Variants in CNBD1 observed in about 807,000 individuals in gnomAD.
CNBD1 encodes cyclic nucleotide-binding domain-containing protein 1.
Under a neutral mutation model 54.4 loss-of-function variants are expected in CNBD1, and 71 were observed. That is an observed-to-expected ratio of 1.30 (90% CI 1.08 to 1.59). The LOEUF (loss-of-function observed/expected upper bound fraction) is 1.59, where lower values mean the gene tolerates loss of function less well. Ranked by LOEUF, CNBD1 falls within the 40% of genes most tolerant of loss-of-function variation. The pLI is 0.00. For synonymous variants in CNBD1, 182 were observed against 170.7 expected (o/e 1.07, Z -0.51); for missense variants, 659 against 518.0 (o/e 1.27, Z -2.64).
chr8:86,939,976 G>A (rs564781691), intron 4 of CNBD1, among the ~76,000 whole-genome samples: 6 of 151,802 alleles, frequency 4.0e-5, no homozygotes, highest in Non-Finnish European at 7.4e-5. Flanking sequence ...CTAAACTTGT[G>A]ACCCATTATT....
At chr8:87,196,838 A>G (rs904313655) in intron 4 of CNBD1, among the ~76,000 whole-genome samples, 3 of 152,218 alleles carry the variant, frequency 2.0e-5, no homozygotes, top group Admixed American at 6.5e-5. Context: ...TCTGGAATAC[A>G]CTAAAATTTT....
intron 4 of CNBD1, among the ~76,000 whole-genome samples, chr8:87,020,779 CTTTGT>C (rs1809472438): frequency 6.6e-6 from 1 of 152,184 alleles, no homozygotes; most frequent in Non-Finnish European, 1.5e-5. Flanking sequence ...CCCCTTGCCC[CTTTGT>C]TTTATTTCCT....
At chr8:87,342,845 T>G (rs1810095424) in intron 8 of CNBD1, among the ~76,000 whole-genome samples, 1 of 152,156 alleles carries the variant, frequency 6.6e-6, no homozygotes, top group Non-Finnish European at 1.5e-5. Context: ...CATGTCCCAC[T>G]GTGCACGCAT....
chr8:87,325,047 C>G (rs1429749877), intron 8 of CNBD1, among the ~76,000 whole-genome samples: 2 of 99,710 alleles, frequency 2.0e-5, no homozygotes, highest in African/African-American at 1.1e-4. Context: ...TTTCTGCCTT[C>G]ATTTCGTTAT....
At chr8:87,377,946 G>A (rs1385943628) in intron 10 of CNBD1, among the ~76,000 whole-genome samples, 12 of 146,430 alleles carry the variant, frequency 8.2e-5, no homozygotes, top group Middle Eastern at 7.0e-3. Context: ...CTGCATAAAT[G>A]TCTTCTTTTG....
intron 5 of CNBD1, among the ~76,000 whole-genome samples, chr8:87,218,287 A>C (rs1814255411): frequency 6.6e-6 from 1 of 152,110 alleles, no homozygotes; most frequent in African/African-American, 2.4e-5. Flanking sequence ...GGTAATTTCC[A>C]ACAATGTAAA....
At chr8:86,866,614 C>T in intron 1 of CNBD1, 31 bp downstream of exon 1, 1 of 1,516,824 alleles carries the variant, frequency 6.6e-7, no homozygotes, top group Non-Finnish European at 9.1e-7. Flanking sequence ...TGCTCTTATT[C>T]ACCTACCATT....
chr8:87,426,042 C>T lies in CNBD1; in HGVS notation c.214-2504C>T, dbSNP rs146064199. 4.8e-4 allele frequency among the ~76,000 whole-genome samples: 73 copies of T among 152,290 alleles called. 1 individual carries two copies. In the East Asian group the frequency reaches 0.01, roughly 21 times the overall value. On this transcript the variant is annotated intron_variant, in intron 2 of 7. Coordinates refer to the CNBD1 transcript ENST00000521593. ...GTGGTGCACCGTTTTTTAAGCCCGT[C>T]GGAAAATCGCAGTATTTGGGTGGGA...
intron 5 of CNBD1, among the ~76,000 whole-genome samples, chr8:87,224,905 C>T (rs1814442412): frequency 6.6e-6 from 1 of 151,964 alleles, no homozygotes; most frequent in Non-Finnish European, 1.5e-5. Flanking sequence ...TGTTTGTATC[C>T]TCTATTATTT....
At chr8:87,397,124 T>C (rs1285145186) in intron 2 of CNBD1, among the ~76,000 whole-genome samples, 2 of 151,938 alleles carry the variant, frequency 1.3e-5, no homozygotes, top group African/African-American at 4.8e-5. Flanking sequence ...GCTTTGTATT[T>C]GTTAGAGCCA....
At chr8:87,389,270 G>A (rs1811258181) in intron 2 of CNBD1, among the ~76,000 whole-genome samples, 1 of 152,146 alleles carries the variant, frequency 6.6e-6, no homozygotes, top group Admixed American at 6.5e-5. Context: ...GCAGGAGAAG[G>A]AAATAAAGGG....
At chr8:86,947,055 C>T (rs916830721) in intron 4 of CNBD1, among the ~76,000 whole-genome samples, 1 of 152,008 alleles carries the variant, frequency 6.6e-6, no homozygotes, top group Admixed American at 6.6e-5. Context: ...AAAATTTTGG[C>T]AAGATTTGGT....
At chr8:87,306,607 T>C (rs931336368) in intron 8 of CNBD1, among the ~76,000 whole-genome samples, 6 of 152,172 alleles carry the variant, frequency 3.9e-5, no homozygotes, top group African/African-American at 1.4e-4. Flanking sequence ...TTAACAGCAT[T>C]TGTAGTGACC....
At chr8:86,972,106 C>T (rs1398964566) in intron 4 of CNBD1, among the ~76,000 whole-genome samples, 1 of 152,064 alleles carries the variant, frequency 6.6e-6, no homozygotes, top group Non-Finnish European at 1.5e-5. Context: ...TGCCCGCCAC[C>T]ATGCCTGGCT....
chr8:87,402,684 A>AT (rs992196317), intron 2 of CNBD1, among the ~76,000 whole-genome samples: 52 of 152,136 alleles, frequency 3.4e-4, no homozygotes, highest in African/African-American at 1.1e-3. Flanking sequence ...ATCTCAGGGG[A>AT]TTTTTTATGC....
At chr8:86,981,012 T>C (rs1808474410) in intron 4 of CNBD1, among the ~76,000 whole-genome samples, 1 of 151,790 alleles carries the variant, frequency 6.6e-6, no homozygotes, top group African/African-American at 2.4e-5. Flanking sequence ...ACAAGAGGGG[T>C]GTGGTTATAG....
intron 10 of CNBD1, among the ~76,000 whole-genome samples, chr8:87,358,549 A>G (rs1306167042): frequency 6.8e-6 from 1 of 146,930 alleles, no homozygotes; most frequent in Non-Finnish European, 1.5e-5. Context: ...CACACGTTGT[A>G]TTATACAAAG....
At chr8:87,292,786 T>TC (rs1245324763) in intron 8 of CNBD1, among the ~76,000 whole-genome samples, 3 of 152,144 alleles carry the variant, frequency 2.0e-5, no homozygotes, top group Non-Finnish European at 2.9e-5. Context: ...CAGGAGCAGC[T>TC]CTCCTTGCAA....
intron 4 of CNBD1, among the ~76,000 whole-genome samples, chr8:87,191,868 G>A (rs1264493838): frequency 6.6e-6 from 1 of 152,070 alleles, no homozygotes. Flanking sequence ...AGTGGAGAGA[G>A]AATCAAAATC....
Sources: allele counts gnomAD v4.1 joint callset (sites outside exome capture counted in the v4.1 genomes callset), GRCh38; gene constraint gnomAD v4.1.1; transcripts MANE v1.5; gene names NCBI Gene and HGNC (gene_info 2026-07-23, HGNC 2026-07-21).